Variants in FRMPD4 observed in about 807,000 individuals in gnomAD.
The protein encoded by FRMPD4 is FERM and PDZ domain containing 4, also known as FERM and PDZ domain-containing protein 4.
In FRMPD4, 22 loss-of-function variants were observed where a neutral mutation model predicts 94.1. The observed-to-expected ratio is 0.23, with a 90% CI of 0.17 to 0.33. FRMPD4 has a LOEUF of 0.33. Among genes scored for constraint, FRMPD4 ranks in the 10% least tolerant of loss-of-function variants. The pLI is 1.00. For missense variants in FRMPD4, 1,111 were observed against 1,339.9 expected (o/e 0.83, Z 2.67); for synonymous variants, 631 against 548.6 (o/e 1.15, Z -2.10).
At chrX:12,070,170 G>T (rs2054954866) in intron 3 of FRMPD4, among the ~76,000 whole-genome samples, 1 of 110,004 alleles carries the variant, frequency 9.1e-6, no homozygotes, top group African/African-American at 3.3e-5. Flanking sequence ...CTAAAGTCGT[G>T]AGCTTGAGTG....
intron 3 of FRMPD4, among the ~76,000 whole-genome samples, chrX:11,924,137 T>A (rs920699560): frequency 8.9e-6 from 1 of 111,750 alleles, no homozygotes; most frequent in African/African-American, 3.3e-5. Flanking sequence ...CATAATGCAA[T>A]CACAAGTATT....
At chrX:12,019,114 A>AT (rs2054619338) in intron 3 of FRMPD4, among the ~76,000 whole-genome samples, 1 of 111,226 alleles carries the variant, frequency 9.0e-6, no homozygotes, top group Admixed American at 9.5e-5. Flanking sequence ...ATATGATCTT[A>AT]TCCATTCAGA....
chrX:11,912,647 G>A (rs1413916843), intron 3 of FRMPD4, among the ~76,000 whole-genome samples: 3 of 111,439 alleles, frequency 2.7e-5, no homozygotes, highest in African/African-American at 9.8e-5. Context: ...TGGTCAAAGA[G>A]ACAACTTTTA....
Position 12,277,441 on chromosome X carries a change from A to C in FRMPD4, c.41+138429A>C, listed in dbSNP as rs751830859. Among the ~76,000 whole-genome samples, 19 of 112,374 alleles carry C rather than the reference A, an allele frequency of 1.7e-4. No homozygotes were observed. In the South Asian group the frequency reaches 3.3e-3, roughly 20 times the overall value. On this transcript the variant is annotated intron_variant, in intron 1 of 16. Coordinates refer to ENST00000675598, the MANE Select transcript of FRMPD4 (RefSeq NM_001368397.1). ...AATATTAAGTTATAAAAATGTGACA[A>C]GACAAACAGGCTTGGGCTAGGCGGC... is the stretch of plus-strand genomic sequence containing the variant.
chrX:12,663,679 A>C (rs1395973033), intron 4 of FRMPD4, among the ~76,000 whole-genome samples: 1 of 112,375 alleles, frequency 8.9e-6, no homozygotes, highest in Non-Finnish European at 1.9e-5. Flanking sequence ...TGTCTTGGCT[A>C]TATGGGCTCT....
intron 1 of FRMPD4, among the ~76,000 whole-genome samples, chrX:12,306,895 T>C (rs1395680768): frequency 8.9e-6 from 1 of 112,232 alleles, no homozygotes; most frequent in Non-Finnish European, 1.9e-5. Context: ...CTGGCATTTT[T>C]AGATGAGTGT....
chrX:12,199,271 A>G (rs5005875), intron 1 of FRMPD4, among the ~76,000 whole-genome samples: 9,031 of 54,207 alleles, frequency 0.17, 332 homozygotes, highest in Admixed American at 0.24. Context: ...GTGTGTGTGT[A>G]TGTGTGTGTG....
At chrX:12,294,485 C>CACACACACACACACAGAG (rs34874624) in intron 1 of FRMPD4, among the ~76,000 whole-genome samples, 365 of 92,049 alleles carry the variant, frequency 4.0e-3, no homozygotes, top group South Asian at 0.024. Flanking sequence ...CACACACACA[C>CACACACACACACACAGAG]AGAGAGAGAG....
Position 12,563,297 on chromosome X carries a change from C to A in FRMPD4, c.159-46424C>A, listed in dbSNP as rs1385437245. On this transcript the variant is annotated intron_variant, in intron 2 of 16. Coordinates refer to ENST00000675598, the MANE Select transcript of FRMPD4 (RefSeq NM_001368397.1). ...ACATACCAGACCTCTGAATCAGAGA[C>A]AGACTGCTCACAGAGCTTTTCCCAA... 3.1e-3 allele frequency among the ~76,000 whole-genome samples: 342 copies of A among 110,781 alleles called. 2 individuals carry two copies. The highest frequency in any genetic ancestry group is 0.011 in the African/African-American group (330 of 30,223).
chrX:12,139,072 T>G, intron 1 of FRMPD4, 60 bp downstream of exon 1: 1 of 974,083 alleles, frequency 1.0e-6, no homozygotes, highest in Non-Finnish European at 1.4e-6. Context: ...ACTTGGTGCC[T>G]TATTTTTCGG....
At chrX:12,190,542 C>A (rs892450243) in intron 1 of FRMPD4, among the ~76,000 whole-genome samples, 2 of 110,229 alleles carry the variant, frequency 1.8e-5, no homozygotes, top group Admixed American at 9.7e-5. Context: ...ATAGACAAAT[C>A]AGAGATCAGG....
intron 3 of FRMPD4, among the ~76,000 whole-genome samples, chrX:11,885,424 T>C (rs990994794): frequency 1.8e-4 from 20 of 111,060 alleles, no homozygotes; most frequent in Non-Finnish European, 3.0e-4. Context: ...TTAGTGAGTA[T>C]AGCCTTTCAG....
intron 1 of FRMPD4, among the ~76,000 whole-genome samples, chrX:12,292,580 T>G (rs926474072): frequency 1.8e-5 from 2 of 111,385 alleles, no homozygotes; most frequent in African/African-American, 6.5e-5. Flanking sequence ...AGGTAATTCT[T>G]TTCATCTTTA....
At chrX:12,608,031 T>C (rs949966541) in intron 2 of FRMPD4, among the ~76,000 whole-genome samples, 2 of 112,888 alleles carry the variant, frequency 1.8e-5, no homozygotes, top group Non-Finnish European at 3.7e-5. Flanking sequence ...TTCCAAGATA[T>C]TTTTAAATGA....
intron 3 of FRMPD4, among the ~76,000 whole-genome samples, chrX:12,119,157 C>T (rs913567121): frequency 5.4e-5 from 6 of 111,542 alleles, no homozygotes; most frequent in Admixed American, 2.9e-4. Context: ...AAAATAAACA[C>T]TTGGTCCTGT....
At chrX:11,856,259 G>A (rs759530823) in intron 1 of FRMPD4, among the ~76,000 whole-genome samples, 3 of 111,789 alleles carry the variant, frequency 2.7e-5, no homozygotes, top group Non-Finnish European at 5.6e-5. Context: ...TGAGATTTAG[G>A]TAGGGACACA....
Position 12,701,925 on chromosome X carries a change from A to G in FRMPD4, c.985A>G (p.Ile329Val), listed in dbSNP as rs1431144893. ...ATTTGGGCCGGAGCTGAAATATGAC[A>G]TAGCCCTGCGGCTGGCCGCATTACA... ...ERFGPELKYD[I>V]ALRLAALQMY... Residue 329 changes from isoleucine to valine, a missense_variant, in exon 10 of 17, where the codon ATA (isoleucine) becomes GTA (valine). Around this residue, in one of 8 missense-constraint regions of FRMPD4, gnomAD observed 37 missense variants for 101.0 expected, o/e 0.37. Transcript: ENST00000675598. 5 of 1,210,455 alleles carry G rather than the reference A, an allele frequency of 4.1e-6. No individual in the cohort carries two copies. In the South Asian group the frequency reaches 5.3e-5, roughly 13 times the overall value.
chrX:12,568,315 G>A (rs1443786389), intron 2 of FRMPD4, among the ~76,000 whole-genome samples: 1 of 112,052 alleles, frequency 8.9e-6, no homozygotes, highest in Non-Finnish European at 1.9e-5. Context: ...TAAATCTTAA[G>A]TTGACAATAA....
rs376763465 is a variant in FRMPD4, at chrX:12,133,034, A to G, written c.95+255016A>G. On this transcript the variant is annotated intron_variant, in intron 3 of 18. Transcript: ENST00000640291. The stretch of plus-strand genomic sequence containing the variant: ...ATGGTCCAACAGTTTGATTAAAAAA[A>G]ATACTGATATAGGAAAAAGAGACAG... 2.2e-3 allele frequency among the ~76,000 whole-genome samples: 240 copies of G among 110,157 alleles called. 1 individual carries two copies. The highest frequency in any genetic ancestry group is 7.5e-3 in the African/African-American group (227 of 30,324).
Sources: gnomAD v4.1 joint callset for allele counts (sites outside exome capture counted in the v4.1 genomes callset) on GRCh38, gnomAD v4.1.1 for gene constraint, gnomAD v4.1.1 regional missense constraint, MANE v1.5 for transcripts, NCBI Gene and HGNC (gene_info 2026-07-23, HGNC 2026-07-21) for gene names.